The following CHD9 variants were observed in gnomAD, a reference collection of about 807,000 sequenced individuals.
CHD9 encodes ATP-dependent chromatin remodeler CHD9.
A neutral mutation model predicts 316.1 loss-of-function variants in CHD9; 77 were observed. The observed-to-expected ratio is 0.24, with a 90% confidence interval of 0.20 to 0.29. The LOEUF (loss-of-function observed/expected upper bound fraction) is 0.29. CHD9 is among the 10% of genes least tolerant of loss of function. The probability of loss-of-function intolerance (pLI) is 1.00; values close to 1 mark genes in which losing one functional copy is unlikely to be tolerated. For synonymous variants in CHD9, 1,129 were observed against 1,158.3 expected (o/e 0.97, Z 0.51); for missense variants, 2,763 against 3,438.1 (o/e 0.80, Z 4.91).
At chr16:53,069,397 G>A (rs1218689480) in intron 1 of CHD9, among the ~76,000 whole-genome samples, 1 of 152,142 alleles carries the variant, frequency 6.6e-6, no homozygotes, top group Admixed American at 6.6e-5. Flanking sequence ...ATCTTCCCAA[G>A]CTGAAACTCT....
chr16:53,311,004 T>TAGCA (rs2056432174), intron 34 of CHD9: 2 of 151,850 alleles, frequency 1.3e-5, no homozygotes, highest in African/African-American at 4.8e-5. Context: ...CCTGGCAACA[T>TAGCA]AGCAAGACCC....
At chr16:53,126,453 A>C (rs2038972251) in intron 1 of CHD9, among the ~76,000 whole-genome samples, 1 of 152,156 alleles carries the variant, frequency 6.6e-6, no homozygotes, top group Non-Finnish European at 1.5e-5. Flanking sequence ...CTTGATTATT[A>C]TACCTTTGTA....
chr16:53,282,905 T>G (rs934320494), intron 24 of CHD9, among the ~76,000 whole-genome samples: 1 of 151,842 alleles, frequency 6.6e-6, no homozygotes, highest in Non-Finnish European at 1.5e-5. Flanking sequence ...AATCTTCACA[T>G]AGGCCTTCTC....
intron 1 of CHD9, among the ~76,000 whole-genome samples, chr16:53,141,690 A>T (rs551263243): frequency 1.2e-4 from 19 of 152,196 alleles, no homozygotes; most frequent in Admixed American, 9.8e-4. Flanking sequence ...GAATACAAAG[A>T]TGAATAAGAA....
At chr16:53,222,310 T>C (rs1049303852) in intron 3 of CHD9, among the ~76,000 whole-genome samples, 2 of 151,950 alleles carry the variant, frequency 1.3e-5, no homozygotes, top group Non-Finnish European at 2.9e-5. Flanking sequence ...TCCTAACCTT[T>C]TTCCACCTGC....
chr16:53,196,560 A>G (rs565673849), intron 2 of CHD9, among the ~76,000 whole-genome samples: 1 of 152,310 alleles, frequency 6.6e-6, no homozygotes, highest in South Asian at 2.1e-4. Context: ...TAGATACTAG[A>G]ACACCTCATT....
chr16:53,250,660 A>C (rs2050052126), intron 17 of CHD9: 1 of 152,232 alleles, frequency 6.6e-6, no homozygotes, highest in African/African-American at 2.4e-5. Flanking sequence ...CACACATATA[A>C]GTAAGACTAT....
chr16:53,200,512 T>C (rs974895378), intron 2 of CHD9, among the ~76,000 whole-genome samples: 54 of 152,118 alleles, frequency 3.5e-4, no homozygotes, highest in Admixed American at 3.5e-3. Flanking sequence ...TTTATGAGTC[T>C]ATATTGGTAC....
chr16:53,161,472 G>C (rs2041908565), intron 2 of CHD9, among the ~76,000 whole-genome samples: 2 of 151,952 alleles, frequency 1.3e-5, no homozygotes, highest in African/African-American at 2.4e-5. Flanking sequence ...TTTTTTTCTG[G>C]GTTCTTTGTT....
intron 27 of CHD9, among the ~76,000 whole-genome samples, chr16:53,289,075 A>T (rs1399637927): frequency 2.6e-5 from 4 of 152,100 alleles, no homozygotes; most frequent in Admixed American, 2.6e-4. Context: ...GTTAGCATGC[A>T]ATAAAGAGTA....
intron 1 of CHD9, among the ~76,000 whole-genome samples, chr16:53,079,817 G>A (rs1339950304): frequency 6.6e-6 from 1 of 152,230 alleles, no homozygotes; most frequent in Non-Finnish European, 1.5e-5. Flanking sequence ...CTCCCAGAGA[G>A]AGCATGGAAG....
intron 2 of CHD9, among the ~76,000 whole-genome samples, chr16:53,203,498 T>A (rs1179674805): frequency 1.3e-5 from 2 of 152,208 alleles, no homozygotes; most frequent in African/African-American, 4.8e-5. Flanking sequence ...GCAGATAAAC[T>A]CATTCTTGCT....
At position 53,157,424 on chromosome 16, in the gene CHD9, A is replaced by G. The variant is rs766379337; in HGVS notation, c.1335A>G (p.Val445=). ...DLDRQFTSHL[V]TRPSDMAQTQ... is the part of the protein sequence containing the mutation. ...ATCGGCAGTTTACTTCGCATCTGGT[A>G]ACACGGCCTTCTGATATGGCTCAGA... is the stretch of plus-strand genomic sequence containing the variant. Residue 445 remains valine, a synonymous_variant, in exon 2 of 39, where the codon GTA becomes GTG. Transcript: ENST00000447540. 6 of 1,614,030 alleles carry G rather than the reference A, an allele frequency of 3.7e-6. No homozygotes were observed. In the South Asian group the frequency reaches 6.6e-5, roughly 18 times the overall value.
At chr16:53,059,945 A>G (rs2032659058) in intron 1 of CHD9, among the ~76,000 whole-genome samples, 2 of 152,250 alleles carry the variant, frequency 1.3e-5, no homozygotes, top group Non-Finnish European at 2.9e-5. Flanking sequence ...AAATGAGTAT[A>G]TCTGGGTTCC....
At chr16:53,125,887 A>G (rs2038948727) in intron 1 of CHD9, among the ~76,000 whole-genome samples, 1 of 152,194 alleles carries the variant, frequency 6.6e-6, no homozygotes, top group Non-Finnish European at 1.5e-5. Context: ...ACAAAACTTC[A>G]TTGTAAGTTG....
intron 1 of CHD9, among the ~76,000 whole-genome samples, chr16:53,057,515 G>A (rs578047048): frequency 2.0e-5 from 3 of 152,110 alleles, no homozygotes; most frequent in South Asian, 2.1e-4. Context: ...TTAGCTGGGC[G>A]TGGTGGCAAG....
intron 1 of CHD9, among the ~76,000 whole-genome samples, chr16:53,127,523 G>A (rs1158876341): frequency 6.6e-6 from 1 of 152,138 alleles, no homozygotes; most frequent in East Asian, 1.9e-4. Flanking sequence ...ACAAGTTATA[G>A]CCTTTGGGGC....
At position 53,304,621 on chromosome 16, in the gene CHD9, A is replaced by C. The variant is rs1232896442; in HGVS notation, c.6615A>C (p.Lys2205Asn). 5 of 1,544,456 alleles carry C rather than the reference A, an allele frequency of 3.2e-6. No individual in the cohort carries two copies. In the South Asian group the frequency reaches 6.0e-5, roughly 19 times the overall value. ...ACAGTGATGAAGAAGAAGCCCAAAA[A>C]CGAGGTACTATGCATAAAATAATTC... Reference protein sequence around the residue: ...ESDSDEEEAQKRESTTHMKAY... With the variant: ...ESDSDEEEAQNRESTTHMKAY... The change falls in exon 31 of 39, where the codon AAA (lysine) becomes AAC (asparagine). Residue 2205 changes from lysine (K) to asparagine (N), a missense_variant. Coordinates refer to ENST00000447540, the MANE Select transcript of CHD9 (RefSeq NM_001308319.2).
Position 53,287,886 on chromosome 16 carries a change from A to G in CHD9, c.5190-71A>G, listed in dbSNP as rs576411650. ...TTAAAACAAACTAAAACCCTCCAAC[A>G]AGACTTTGTCCTATCAAGTGAAATC... On this transcript the variant is annotated intron_variant, in intron 26 of 38. Coordinates refer to ENST00000447540, the MANE Select transcript of CHD9 (RefSeq NM_001308319.2). 7.7e-5 allele frequency: 97 copies of G among 1,254,428 alleles called. 1 individual carries two copies. The South Asian group carries it at 1.2e-3, about 15-fold the overall frequency. 77.7% of individuals were successfully genotyped at this position (1,254,428 alleles called of 1,614,324 possible).
Sources: gnomAD v4.1 joint callset for allele counts (sites outside exome capture counted in the v4.1 genomes callset) on GRCh38, gnomAD v4.1.1 for gene constraint, MANE v1.5 for transcripts, NCBI Gene and HGNC (gene_info 2026-07-23, HGNC 2026-07-21) for gene names.